Variants in PCDHA7 observed in about 807,000 individuals in gnomAD.
The protein encoded by PCDHA7 is protocadherin alpha 7.
A neutral mutation model predicts 57.2 loss-of-function variants in PCDHA7; 37 were observed. That is an observed-to-expected ratio of 0.65 (90% CI 0.50 to 0.85). PCDHA7 has a LOEUF of 0.85. Among genes scored for constraint, PCDHA7 ranks in the 40% least tolerant of loss-of-function variants. PCDHA7 has a pLI of 0.00. For missense variants in PCDHA7, 1,188 were observed against 1,241.8 expected, an observed-to-expected ratio of 0.96 and a Z score of 0.65; for synonymous variants, 553 against 558.8, an observed-to-expected ratio of 0.99 and a Z score of 0.15.
At chr5:140,998,943 G>T (rs1366415632) in intron 3 of PCDHA7, among the ~76,000 whole-genome samples, 2 of 152,212 alleles carry the variant, frequency 1.3e-5, no homozygotes, top group African/African-American at 2.4e-5. Flanking sequence ...TGAAGAAACT[G>T]TAAGTCAATG....
intron 1 of PCDHA7, chr5:140,852,757 G>T (rs1243910073): frequency 9.2e-6 from 9 of 983,578 alleles, no homozygotes; most frequent in Admixed American, 1.3e-4. Context: ...TTGGACCCAG[G>T]TATCTGATTA....
chr5:140,886,097 A>C (rs1341108712), intron 1 of PCDHA7, among the ~76,000 whole-genome samples: 1 of 152,214 alleles, frequency 6.6e-6, no homozygotes, highest in Admixed American at 6.5e-5. Context: ...ATTGACATTG[A>C]TACAGTAAAG....
intron 1 of PCDHA7, chr5:140,852,045 G>A: frequency 2.2e-6 from 2 of 919,488 alleles, no homozygotes; most frequent in Non-Finnish European, 2.6e-6. Flanking sequence ...TTTTTGTTAT[G>A]TGGTTTATAT....
At chr5:140,868,986 C>T in intron 1 of PCDHA7, 1 of 1,503,326 alleles carries the variant, frequency 6.7e-7, no homozygotes. Flanking sequence ...TACCGGATGC[C>T]ACCGTTTAAG....
intron 3 of PCDHA7, 167 bp from the exon 4 acceptor site, chr5:141,009,460 T>C (rs1375350735): frequency 3.2e-6 from 3 of 950,276 alleles, no homozygotes; most frequent in African/African-American, 1.8e-5. Flanking sequence ...ATTAAACAAA[T>C]AAATAAATAA....
At chr5:140,918,742 A>T (rs2078833886) in intron 1 of PCDHA7, among the ~76,000 whole-genome samples, 1 of 152,170 alleles carries the variant, frequency 6.6e-6, no homozygotes, top group Non-Finnish European at 1.5e-5. Context: ...GCCCTTATAA[A>T]AGAGGCCCAG....
At chr5:140,979,973 A>G (rs782560392) in intron 2 of PCDHA7, among the ~76,000 whole-genome samples, 9 of 152,230 alleles carry the variant, frequency 5.9e-5, no homozygotes, top group Non-Finnish European at 1.0e-4. Context: ...ATTAAAATGC[A>G]TTAGATTGAA....
chr5:140,848,337 CAA>C, intron 1 of PCDHA7: 2 of 873,308 alleles, frequency 2.3e-6, no homozygotes, highest in Non-Finnish European at 3.6e-6. Flanking sequence ...TGAATCCAGA[CAA>C]ATACAGCCCT....
chr5:140,912,378 T>C (rs1554195314), intron 1 of PCDHA7, among the ~76,000 whole-genome samples: 1 of 152,002 alleles, frequency 6.6e-6, no homozygotes, highest in African/African-American at 2.4e-5. Context: ...GTAAAAGGGA[T>C]TGAGTTCTTA....
intron 1 of PCDHA7, chr5:140,859,302 A>G (rs1280073821): frequency 4.7e-5 from 6 of 128,898 alleles, no homozygotes; most frequent in Non-Finnish European, 1.1e-4. Context: ...CTTTAGTATG[A>G]ATTAATATTA....
At chr5:140,896,672 C>T (rs912022786) in intron 1 of PCDHA7, among the ~76,000 whole-genome samples, 7 of 152,028 alleles carry the variant, frequency 4.6e-5, no homozygotes, top group Middle Eastern at 3.2e-3. Flanking sequence ...TCACTGTGCC[C>T]GGCCCTTTGC....
At chr5:140,952,654 G>T (rs541888180) in intron 1 of PCDHA7, among the ~76,000 whole-genome samples, 4 of 152,270 alleles carry the variant, frequency 2.6e-5, no homozygotes, top group African/African-American at 9.6e-5. Context: ...TGGTTACCCA[G>T]TTCCAAAGTC....
chr5:140,874,039 GTGA>G (rs1372721490), intron 1 of PCDHA7, among the ~76,000 whole-genome samples: 1 of 152,152 alleles, frequency 6.6e-6, no homozygotes, highest in African/African-American at 2.4e-5. Context: ...AAGAAACTTG[GTGA>G]TGATATTAGA....
At chr5:140,863,524 T>A in intron 1 of PCDHA7, 1 of 397,376 alleles carries the variant, frequency 2.5e-6, no homozygotes, top group Non-Finnish European at 4.9e-6. Context: ...CTCCCATGGT[T>A]CAGATTTTGG....
At chr5:140,894,904 A>G (rs1422978967) in intron 1 of PCDHA7, among the ~76,000 whole-genome samples, 1 of 152,168 alleles carries the variant, frequency 6.6e-6, no homozygotes, top group Non-Finnish European at 1.5e-5. Context: ...TAATTTTCCT[A>G]TCTTTGTTGC....
chr5:140,877,091 C>A, intron 1 of PCDHA7: 1 of 1,613,252 alleles, frequency 6.2e-7, no homozygotes. Flanking sequence ...GCGCGCGACG[C>A]CGGCGTGCCG....
chr5:140,945,689 T>G (rs529270613), intron 1 of PCDHA7, among the ~76,000 whole-genome samples: 30 of 152,170 alleles, frequency 2.0e-4, no homozygotes, highest in African/African-American at 7.0e-4. Context: ...ACAGTTACTG[T>G]CCACTGATTT....
At chr5:140,889,733 A>T (rs192682337) in intron 1 of PCDHA7, among the ~76,000 whole-genome samples, 1 of 152,316 alleles carries the variant, frequency 6.6e-6, no homozygotes, top group Admixed American at 6.5e-5. Context: ...CTCACTGAGT[A>T]GCAGAGTCTA....
chr5:140,883,972 C>T (rs781784485), intron 1 of PCDHA7: 2 of 1,612,972 alleles, frequency 1.2e-6, no homozygotes, highest in Non-Finnish European at 8.5e-7. Context: ...TGCTGACGCC[C>T]GGGGCTGGCA....
Sources: allele counts gnomAD v4.1 joint callset (sites outside exome capture counted in the v4.1 genomes callset), GRCh38; gene constraint gnomAD v4.1.1; transcripts MANE v1.5; gene names NCBI Gene and HGNC (gene_info 2026-07-23, HGNC 2026-07-21).